Variants in AFAP1 observed in about 807,000 individuals in gnomAD.
The protein encoded by AFAP1 is actin filament-associated protein 1.
AFAP1 carries 75 observed loss-of-function variants against 93.9 expected under a neutral mutation model. That is an observed-to-expected ratio of 0.80 (90% CI 0.66 to 0.97). The LOEUF (loss-of-function observed/expected upper bound fraction) is 0.97, where lower values mean the gene tolerates loss of function less well. Among genes scored for constraint, AFAP1 ranks in the 50% least tolerant of loss-of-function variants. The probability of loss-of-function intolerance (pLI) is 0.00; values close to 1 mark genes in which losing one functional copy is unlikely to be tolerated. For missense variants in AFAP1, 1,201 were observed against 1,050.8 expected, an observed-to-expected ratio of 1.14 and a Z score of -1.98; for synonymous variants, 517 against 430.7, an observed-to-expected ratio of 1.20 and a Z score of -2.48.
rs1718775822 is a variant in AFAP1, at chr4:7,799,137, T to G, written c.1266+1305A>C. 3.1e-6 allele frequency: 3 copies of G among 972,588 alleles called. No homozygotes were observed. In the African/African-American group the frequency reaches 5.3e-5, roughly 17 times the overall value. The allele number at this position is 972,588 out of a possible 1,614,324, so 60.2% of individuals were successfully genotyped here. A position where few individuals can be genotyped will look rare whatever the true frequency, so the allele number is the denominator to read the frequency against. ...AAAGAAGCTGAGAGAGAACAAAAGC[T>G]TTGGCCGTGGTCAGGGTCTGCACAG... On this transcript the variant is annotated intron_variant, in intron 10 of 17. Coordinates refer to ENST00000420658, the MANE Select transcript of AFAP1 (RefSeq NM_001134647.2).
intron 17 of AFAP1, among the ~76,000 whole-genome samples, chr4:7,768,602 T>A (rs1714954448): frequency 1.3e-5 from 2 of 152,152 alleles, no homozygotes. Flanking sequence ...AGCCAATTGT[T>A]GGCACTGGGG....
At chr4:7,924,525 G>C (rs1257455243) in intron 1 of AFAP1, among the ~76,000 whole-genome samples, 1 of 152,168 alleles carries the variant, frequency 6.6e-6, no homozygotes, top group African/African-American at 2.4e-5. Context: ...TGGCCCAGTT[G>C]TTTCTATTCA....
intron 17 of AFAP1, among the ~76,000 whole-genome samples, chr4:7,768,121 G>A (rs569416545): frequency 1.3e-4 from 20 of 152,244 alleles, no homozygotes; most frequent in Non-Finnish European, 1.5e-4. Context: ...CCACAGAGCC[G>A]GTACAGGAGG....
At chr4:7,844,191 T>C (rs894011625) in intron 4 of AFAP1, among the ~76,000 whole-genome samples, 6 of 152,006 alleles carry the variant, frequency 3.9e-5, no homozygotes, top group African/African-American at 1.2e-4. Flanking sequence ...CATATGACTA[T>C]ATGTAGAGAT....
intron 1 of AFAP1, among the ~76,000 whole-genome samples, chr4:7,877,154 G>A (rs1356475519): frequency 6.6e-6 from 1 of 152,144 alleles, no homozygotes; most frequent in African/African-American, 2.4e-5. Context: ...ACTGGTTAAA[G>A]GCAGGTGTCA....
At chr4:7,765,483 C>T (rs151221348) in intron 17 of AFAP1, among the ~76,000 whole-genome samples, 10 of 152,358 alleles carry the variant, frequency 6.6e-5, no homozygotes, top group East Asian at 1.9e-4. Context: ...CAGCGCCCTC[C>T]GTGCTCTTCC....
chr4:7,881,581 G>A (rs189786261), intron 1 of AFAP1, among the ~76,000 whole-genome samples: 10 of 152,162 alleles, frequency 6.6e-5, no homozygotes, highest in South Asian at 2.1e-4. Context: ...TCAGGAGTTC[G>A]AGATTAGCCT....
In AFAP1 at chr4:7,769,016, G is replaced by C. The variant is rs530791660; in HGVS notation, c.2254-8C>G. ...GTGCCGGAACACTGGAGACTTAACG[G>C]AGAGAGAGAACCCCATGTGATGAGC... On this transcript the variant is annotated splice_region_variant and splice_polypyrimidine_tract_variant and intron_variant, in intron 16 of 17. Transcript: ENST00000420658. 51 of 1,598,558 alleles carry C rather than the reference G, an allele frequency of 3.2e-5. No individual in the cohort carries two copies. The South Asian group carries it at 5.6e-4, about 17-fold the overall frequency.
intron 1 of AFAP1, among the ~76,000 whole-genome samples, chr4:7,911,574 C>G (rs946946432): frequency 6.6e-6 from 1 of 152,218 alleles, no homozygotes; most frequent in African/African-American, 2.4e-5. Context: ...AGCAGCCTTG[C>G]GTGATCCCTT....
chr4:7,786,189 C>G lies in AFAP1; in HGVS notation c.1530+5G>C. 6.2e-7 allele frequency: 1 copy of G among 1,612,852 alleles called. No homozygotes were observed. The highest frequency in any genetic ancestry group is 8.5e-7 in the Non-Finnish European group (1 of 1,179,216). ...CAACCATTACTCCAAAAAAAGGGCA[C>G]TCACCGAGCCGTTGATGCACGGGAC... On this transcript the variant is annotated splice_donor_5th_base_variant and intron_variant, in intron 12 of 17. Transcript: ENST00000420658.
chr4:7,905,935 A>C (rs1428890361), intron 1 of AFAP1, among the ~76,000 whole-genome samples: 1 of 152,218 alleles, frequency 6.6e-6, no homozygotes, highest in Non-Finnish European at 1.5e-5. Flanking sequence ...GCAGGGGGAC[A>C]CGCATGCAAC....
chr4:7,774,536 A>C, intron 15 of AFAP1: 1 of 754,974 alleles, frequency 1.3e-6, no homozygotes, highest in Non-Finnish European at 2.0e-6. Flanking sequence ...CTCTGCCTGC[A>C]CGCCGCATGT....
chr4:7,816,079 G>A lies in AFAP1; in HGVS notation c.843C>T (p.Pro281=). The change falls in exon 8 of 18, where the codon CCC becomes CCT. Residue 281 remains proline, a synonymous_variant. Coordinates refer to ENST00000420658, the MANE Select transcript of AFAP1 (RefSeq NM_001134647.2). ...CCACAACACCCTCCCCATCTGAGCT[G>A]GGTCTCTCTGAAGACAGTTTCTGTA... ...ELEKKLSSER[P]SSDGEGVVEN... is the part of the protein sequence containing the mutation. The A allele has an allele frequency of 1.2e-6, 2 of 1,612,580 alleles. No homozygotes were observed. Among genetic ancestry groups the A allele is most frequent in the South Asian group, 1.1e-5 (1 of 90,964 alleles).
chr4:7,908,496 T>A (rs1481563706), intron 1 of AFAP1, among the ~76,000 whole-genome samples: 1 of 152,212 alleles, frequency 6.6e-6, no homozygotes, highest in African/African-American at 2.4e-5. Context: ...CAAAATTGAT[T>A]TAATTGATTT....
At position 7,819,189 on chromosome 4, in the gene AFAP1, A is replaced by T. The variant is rs766656138; in HGVS notation, c.727-18T>A. 17 of 1,595,332 alleles carry T rather than the reference A, an allele frequency of 1.1e-5. No homozygotes were observed. The South Asian group carries it at 1.9e-4, about 18-fold the overall frequency. On this transcript the variant is annotated intron_variant, in intron 6 of 17. Transcript: ENST00000420658. ...TTGATCACCTATAAAAAGCACAGAC[A>T]CTTTGTGAGTATGCCCAAAGGCAGA...
At chr4:7,854,597 G>A (rs552855495) in intron 4 of AFAP1, among the ~76,000 whole-genome samples, 42 of 152,336 alleles carry the variant, frequency 2.8e-4, no homozygotes, top group Middle Eastern at 3.4e-3. Context: ...CAACTTTGGG[G>A]AAAGGGAGAG....
rs1714042476 is a variant in AFAP1, at chr4:7,763,086, A to AG, written c.*678dup. 6.6e-6 allele frequency: 1 copy of AG among 152,604 alleles called. No homozygotes were observed. 9.5% of individuals were successfully genotyped at this position (152,604 alleles called of 1,614,324 possible). ...GATCTAAGTGTGACACACAGTAAAA[A>AG]GACATTCCTAAAAAACAGGTTAAGA... On this transcript the variant is annotated 3_prime_UTR_variant, in exon 18 of 18. Coordinates refer to ENST00000420658, the MANE Select transcript of AFAP1 (RefSeq NM_001134647.2).
At chr4:7,870,368 G>T (rs183838169) in intron 2 of AFAP1, among the ~76,000 whole-genome samples, 67 of 152,308 alleles carry the variant, frequency 4.4e-4, no homozygotes, top group African/African-American at 1.5e-3. Context: ...CTTCAGAAGT[G>T]AACATTTCAG....
At chr4:7,874,736 A>C (rs904672972) in intron 1 of AFAP1, among the ~76,000 whole-genome samples, 5 of 151,738 alleles carry the variant, frequency 3.3e-5, no homozygotes, top group African/African-American at 1.2e-4. Context: ...TGAGTGAAGA[A>C]GTAAATATGA....
Sources: allele counts gnomAD v4.1 joint callset (sites outside exome capture counted in the v4.1 genomes callset), GRCh38; gene constraint gnomAD v4.1.1; transcripts MANE v1.5; gene names NCBI Gene and HGNC (gene_info 2026-07-23, HGNC 2026-07-21).